The following NEDD4L variants were observed in gnomAD, a reference collection of about 807,000 sequenced individuals.
The protein encoded by NEDD4L is E3 ubiquitin-protein ligase NEDD4-like.
Under a neutral mutation model 148.9 loss-of-function variants are expected in NEDD4L, and 54 were observed. The ratio of observed to expected loss-of-function variants is 0.36; its 90% CI spans 0.29 to 0.45. NEDD4L has a LOEUF of 0.45. Ranked by LOEUF, NEDD4L falls within the 20% of genes least tolerant of loss-of-function variation. The pLI is 1.00. For missense variants in NEDD4L, 856 were observed against 1,233.8 expected (o/e 0.69, Z 4.59); for synonymous variants, 433 against 440.7 (o/e 0.98, Z 0.22).
chr18:58,099,704 A>T (rs1367649870), intron 1 of NEDD4L, among the ~76,000 whole-genome samples: 4 of 152,216 alleles, frequency 2.6e-5, no homozygotes, highest in Non-Finnish European at 4.4e-5. Context: ...CTATATTGAA[A>T]GAGTTGGAAA....
chr18:58,289,730 G>A (rs1395607807), intron 5 of NEDD4L, among the ~76,000 whole-genome samples: 1 of 152,176 alleles, frequency 6.6e-6, no homozygotes, highest in South Asian at 2.1e-4. Context: ...AGTGTCTTTG[G>A]TGTGCAAGGC....
chr18:58,073,434 A>AG (rs2082995613), intron 1 of NEDD4L, among the ~76,000 whole-genome samples: 1 of 152,226 alleles, frequency 6.6e-6, no homozygotes, highest in South Asian at 2.1e-4. Context: ...GAGTCCAGAA[A>AG]TAGACCCTTA....
intron 22 of NEDD4L, among the ~76,000 whole-genome samples, chr18:58,368,427 C>T (rs951944467): frequency 6.6e-6 from 1 of 152,164 alleles, no homozygotes; most frequent in Non-Finnish European, 1.5e-5. Context: ...CTGGCGGTAT[C>T]TATAGGCTTA....
intron 1 of NEDD4L, among the ~76,000 whole-genome samples, chr18:58,094,388 T>C (rs1568207233): frequency 6.6e-6 from 1 of 152,082 alleles, no homozygotes; most frequent in Non-Finnish European, 1.5e-5. Flanking sequence ...GATTTCTCCA[T>C]GTTGCCCAGG....
intron 5 of NEDD4L, among the ~76,000 whole-genome samples, chr18:58,298,693 T>C (rs1221581489): frequency 2.0e-5 from 3 of 152,238 alleles, no homozygotes; most frequent in African/African-American, 7.2e-5. Context: ...AAGTAATCAC[T>C]GTTCCCTCTG....
intron 2 of NEDD4L, among the ~76,000 whole-genome samples, chr18:58,235,784 G>A (rs1157976456): frequency 1.3e-5 from 2 of 151,854 alleles, no homozygotes; most frequent in South Asian, 2.1e-4. Context: ...CTCTGTGGGT[G>A]TTTTCTTTTA....
chr18:58,290,755 C>A (rs4058295), intron 5 of NEDD4L, among the ~76,000 whole-genome samples: 24,301 of 151,518 alleles, frequency 0.16, 2,115 homozygotes, highest in East Asian at 0.28. Flanking sequence ...AGAAACTGTT[C>A]ATTTATGCAG....
intron 5 of NEDD4L, among the ~76,000 whole-genome samples, chr18:58,291,365 G>A (rs1456226763): frequency 6.6e-6 from 1 of 152,240 alleles, no homozygotes; most frequent in Non-Finnish European, 1.5e-5. Context: ...ATGCTGGAAA[G>A]TGTAGTCATC....
At chr18:58,137,008 C>G (rs1196659598) in intron 1 of NEDD4L, among the ~76,000 whole-genome samples, 8 of 152,180 alleles carry the variant, frequency 5.3e-5, no homozygotes, top group Non-Finnish European at 1.0e-4. Context: ...AACTTTTGGT[C>G]CCTGCCATTG....
At chr18:58,207,454 A>C (rs1157027015) in intron 2 of NEDD4L, among the ~76,000 whole-genome samples, 1 of 151,784 alleles carries the variant, frequency 6.6e-6, no homozygotes, top group Non-Finnish European at 1.5e-5. Context: ...GGTAATATGC[A>C]TAGATGGGAG....
At chr18:58,346,663 A>G (rs1601539671) in intron 16 of NEDD4L, among the ~76,000 whole-genome samples, 3 of 152,328 alleles carry the variant, frequency 2.0e-5, no homozygotes, top group African/African-American at 2.4e-5. Flanking sequence ...TTTTAAAAAG[A>G]TACTGCTCTT....
intron 5 of NEDD4L, among the ~76,000 whole-genome samples, chr18:58,269,395 C>T (rs73437205): frequency 0.033 from 4,985 of 151,920 alleles, 265 homozygotes; most frequent in African/African-American, 0.11. Flanking sequence ...AATGGCTCAC[C>T]GCAGCAAAAA....
In NEDD4L at chr18:58,364,281, C is replaced by T; in HGVS notation, c.1781C>T (p.Ser594Phe). Residue 594 changes from serine (S) to phenylalanine (F), a missense_variant, in exon 20 of 31, where the codon TCC becomes TTC. Ser to Phe is a radical substitution (Grantham distance 155). Coordinates refer to ENST00000400345, the MANE Select transcript of NEDD4L (RefSeq NM_001144967.3). ...PAITGPAVPYSREFKQKYDYF... is the reference protein window; with the variant it reads ...PAITGPAVPYFREFKQKYDYF... ...TTTATCTTCCAGGCTGTCCCTTACT[C>T]CAGAGAATTTAAGCAGAAATATGAC... 1 of 1,553,266 alleles carries T rather than the reference C, an allele frequency of 6.4e-7. No homozygotes were observed. The highest frequency in any genetic ancestry group is 8.7e-7 in the Non-Finnish European group (1 of 1,144,532).
rs71355691 is a variant in NEDD4L at position 58,249,435 on chromosome 18, G to A, written c.243+498G>A. Among the ~76,000 whole-genome samples the A allele has an allele frequency of 3.7e-3, 570 of 152,250 alleles. 10 individuals carry two copies. Among genetic ancestry groups the A allele is most frequent in the Non-Finnish European group, 4.4e-3 (297 of 68,010 alleles). On this transcript the variant is annotated intron_variant, in intron 4 of 30. Coordinates refer to ENST00000400345, the MANE Select transcript of NEDD4L (RefSeq NM_001144967.3). ...CTGGAATCTAAATACAACAGAATTA[G>A]GTAAGATTTCCTCAACCTTTTATAT... is the stretch of plus-strand genomic sequence containing the variant.
chr18:58,323,288 A>G lies in NEDD4L; in HGVS notation c.467A>G (p.Asn156Ser), dbSNP rs781576892. Reference protein sequence around the residue: ...LRLKMAYMPKNGGQDEENSDQ... With the variant: ...LRLKMAYMPKSGGQDEENSDQ... ...TTGAAAATGGCCTATATGCCAAAAA[A>G]TGGAGGTCAAGATGAAGAAAACAGT... Residue 156 changes from asparagine to serine, a missense_variant, in exon 8 of 31, where the codon AAT becomes AGT. Transcript: ENST00000400345. The G allele has an allele frequency of 1.9e-6, 3 of 1,603,280 alleles. No homozygotes were observed. The highest frequency in any genetic ancestry group is 2.2e-5 in the East Asian group (1 of 44,678).
intron 2 of NEDD4L, among the ~76,000 whole-genome samples, chr18:58,203,680 G>A (rs1442411645): frequency 2.0e-5 from 3 of 147,740 alleles, no homozygotes; most frequent in African/African-American, 7.7e-5. Flanking sequence ...AACCATGACT[G>A]GTAAAAACAT....
At chr18:58,082,106 T>A (rs868409702) in intron 1 of NEDD4L, among the ~76,000 whole-genome samples, 55 of 102,642 alleles carry the variant, frequency 5.4e-4, no homozygotes, top group African/African-American at 2.0e-3. Flanking sequence ...ATATATATTT[T>A]TTTTTTTTTT....
At chr18:58,065,039 C>T (rs1342178737) in intron 1 of NEDD4L, among the ~76,000 whole-genome samples, 1 of 152,206 alleles carries the variant, frequency 6.6e-6, no homozygotes, top group Non-Finnish European at 1.5e-5. Flanking sequence ...ATATATAGCT[C>T]TGGTTCTTCA....
chr18:58,331,612 T>A (rs760303293), intron 11 of NEDD4L, among the ~76,000 whole-genome samples: 1 of 152,202 alleles, frequency 6.6e-6, no homozygotes, highest in African/African-American at 2.4e-5. Context: ...TACAAAACTG[T>A]GCAGAAATAA....
Sources: gnomAD v4.1 joint callset for allele counts (sites outside exome capture counted in the v4.1 genomes callset) on GRCh38, gnomAD v4.1.1 for gene constraint, MANE v1.5 for transcripts, NCBI Gene and HGNC (gene_info 2026-07-23, HGNC 2026-07-21) for gene names.